PARP3: variants seen among roughly 807,000 people sequenced by gnomAD.
The protein encoded by PARP3 is protein mono-ADP-ribosyltransferase PARP3.
Under a neutral mutation model 58.2 loss-of-function variants are expected in PARP3, and 46 were observed. That is an observed-to-expected ratio of 0.79 (90% confidence interval 0.62 to 1.01). The LOEUF is 1.01. PARP3 is among the 50% of genes least tolerant of loss of function. PARP3 has a pLI of 0.00. For missense variants in PARP3, 663 were observed against 683.9 expected (o/e 0.97, Z 0.34); for synonymous variants, 252 against 266.4 (o/e 0.95, Z 0.53).
chr3:51,944,354 G>A lies in PARP3; in HGVS notation c.313-36G>A. On this transcript the variant is annotated intron_variant, in intron 3 of 10. Transcript: ENST00000398755. The surrounding 1 kb of genome is among the most constrained non-coding windows in gnomAD (Gnocchi z 4.2). The stretch of plus-strand genomic sequence containing the variant: ...CCCGACACACAGGCCAGCAAATGCT[G>A]ATGGTGGGCATACCCCTGAAGGCTG... 1 of 1,612,188 alleles carries A rather than the reference G, an allele frequency of 6.2e-7. No individual in the cohort carries two copies. Among genetic ancestry groups the A allele is most frequent in the Non-Finnish European group, 8.5e-7 (1 of 1,179,084 alleles).
At position 51,944,062 on chromosome 3, in the gene PARP3, C is replaced by T. The variant is rs1699609800; in HGVS notation, c.184-27C>T. Reference sequence around the variant, plus strand: ...GGCACCCCATCTGACCCCAGCCAGCCTGCCCCCCACCTCCCCTCTGGCCCA... The same window carrying T: ...GGCACCCCATCTGACCCCAGCCAGCTTGCCCCCCACCTCCCCTCTGGCCCA... On this transcript the variant is annotated intron_variant, in intron 2 of 10. Transcript: ENST00000398755. The surrounding 1 kb of genome is among the most constrained non-coding windows in gnomAD (Gnocchi z 4.2). 2 of 1,609,492 alleles carry T rather than the reference C, an allele frequency of 1.2e-6. No homozygotes were observed. Among genetic ancestry groups the T allele is most frequent in the African/African-American group, 1.3e-5 (1 of 74,868 alleles).
At chr3:51,945,461 T>C in intron 6 of PARP3, 34 bp from the exon 7 acceptor site, 10 of 1,606,168 alleles carry the variant, frequency 6.2e-6, no homozygotes, top group Non-Finnish European at 8.5e-6. Context: ...AGAGGTCAAG[T>C]GGGAAGACAA....
Position 51,948,318 on chromosome 3 carries a change from C to T in PARP3, c.1440C>T (p.Thr480=). The change falls in exon 11 of 11, where the codon ACC becomes ACT. Residue 480 remains threonine (T), a synonymous_variant. Coordinates refer to ENST00000398755, the MANE Select transcript of PARP3 (RefSeq NM_001003931.4). Reference sequence around the variant, plus strand: ...CCTTGCTGTGCCCTGCAGATCCGACCCAGGACACTGAGTTGGAGCTGGATG... The same window carrying T: ...CCTTGCTGTGCCCTGCAGATCCGACTCAGGACACTGAGTTGGAGCTGGATG... ...IARGHTEPDP[T]QDTELELDGQ... 6.2e-7 allele frequency: 1 copy of T among 1,613,596 alleles called. No individual in the cohort carries two copies.
At position 51,945,572 on chromosome 3, in the gene PARP3, C is replaced by T. The variant is rs201530765; in HGVS notation, c.939C>T (p.His313=). 6.2e-7 allele frequency: 1 copy of T among 1,613,910 alleles called. No individual in the cohort carries two copies. The highest frequency in any genetic ancestry group is 2.2e-5 in the East Asian group (1 of 44,884). The change falls in exon 7 of 11, where the codon CAC becomes CAT. Residue 313 remains histidine (H), a synonymous_variant. Transcript: ENST00000398755. The part of the protein sequence containing the change: ...EQEKTVEEVP[H]PLDRDYQLLK... ...AGAAGACGGTGGAGGAGGTGCCACA[C>T]CCCCTGGACCGAGACTACCAGCTTC...
In PARP3 at chr3:51,944,284, G is replaced by C. The variant is rs755198915; in HGVS notation, c.312+67G>C. The C allele has an allele frequency of 5.8e-5, 93 of 1,608,912 alleles. No individual in the cohort carries two copies. The highest frequency in any genetic ancestry group is 7.6e-5 in the Non-Finnish European group (89 of 1,177,014). On this transcript the variant is annotated intron_variant, in intron 3 of 10. Coordinates refer to ENST00000398755, the MANE Select transcript of PARP3 (RefSeq NM_001003931.4). The surrounding 1 kb of genome is among the most constrained non-coding windows in gnomAD (Gnocchi z 4.2). ...CAAAAGGCCACAGCTACTGACTTGG[G>C]GGGGCACCTCCCAACTGTCCCAGGG...
In PARP3 at chr3:51,943,340, G is replaced by C. The variant is rs1482973947; in HGVS notation, c.-2-14G>C. Reference sequence around the variant, plus strand: ...ACCATGGAGGCCTAAGGGCCTCTCTGTGCCCCAGGACAGCCATGGCTCCAA... The same window carrying C: ...ACCATGGAGGCCTAAGGGCCTCTCTCTGCCCCAGGACAGCCATGGCTCCAA... On this transcript the variant is annotated splice_polypyrimidine_tract_variant and intron_variant, in intron 1 of 10. Transcript: ENST00000398755. 1.3e-6 allele frequency: 2 copies of C among 1,554,492 alleles called. No individual in the cohort carries two copies. Among genetic ancestry groups the C allele is most frequent in the South Asian group, 2.4e-5 (2 of 84,714 alleles).
At chr3:51,945,454 G>A (rs1430663732) in intron 6 of PARP3, 41 bp from the exon 7 acceptor site, 2 of 1,602,324 alleles carry the variant, frequency 1.2e-6, no homozygotes, top group Admixed American at 1.7e-5. Context: ...GGAGGCCAGA[G>A]GTCAAGTGGG....
chr3:51,943,284 G>A, intron 1 of PARP3, 70 bp from the exon 2 acceptor site: 1 of 1,421,006 alleles, frequency 7.0e-7, no homozygotes, highest in South Asian at 1.4e-5. Context: ...GCAGGGGTGG[G>A]GACTGAGAGT....
At chr3:51,942,750 G>C in intron 1 of PARP3, 42 bp downstream of exon 1, 1 of 1,551,914 alleles carries the variant, frequency 6.4e-7, no homozygotes, top group Non-Finnish European at 8.7e-7. Context: ...GCAGGGCAAG[G>C]CCTGGTGGGA....
intron 1 of PARP3, chr3:51,943,026 C>T: frequency 1.4e-6 from 2 of 1,398,354 alleles, no homozygotes; most frequent in Non-Finnish European, 1.9e-6. Context: ...TTTCACTTTC[C>T]CTACCCCTCA....
At position 51,942,652 on chromosome 3, in the gene PARP3, G is replaced by A. The variant is rs1214947564; in HGVS notation, c.-59G>A. On this transcript the variant is annotated 5_prime_UTR_variant, in exon 1 of 11. Coordinates refer to ENST00000398755, the MANE Select transcript of PARP3 (RefSeq NM_001003931.4). ...TAGACCTGGGACTGCCCTGGGAGGC[G>A]CACACAACCAGGCCGGGTGGCAGCC... The A allele has an allele frequency of 1.6e-6, 2 of 1,231,004 alleles. No individual in the cohort carries two copies. Among genetic ancestry groups the A allele is most frequent in the East Asian group, 2.5e-5 (1 of 40,334 alleles). 76.3% of individuals were successfully genotyped at this position (1,231,004 alleles called of 1,614,324 possible).
In PARP3 at chr3:51,944,579, G is replaced by C; in HGVS notation, c.501+1G>C. 6.2e-7 allele frequency: 1 copy of C among 1,613,890 alleles called. No individual in the cohort carries two copies. The highest frequency in any genetic ancestry group is 1.1e-5 in the South Asian group (1 of 91,074). On this transcript the variant is annotated splice_donor_variant, in intron 4 of 10. Transcript: ENST00000398755. LOFTEE classifies it high-confidence loss of function. This position sits in a 1 kb window ranked among gnomAD's most constrained non-coding sequence, Gnocchi z 4.2. ...TGAGGCCCAGGAAGCTGTGGTGAAG[G>C]TGAGATGGCCAAGGAAGGTGGGCAG...
intron 9 of PARP3, 152 bp from the exon 10 acceptor site, chr3:51,947,588 C>T (rs891662274): frequency 1.4e-5 from 11 of 770,092 alleles, no homozygotes; most frequent in East Asian, 5.4e-5. Context: ...GGGAGCAGGC[C>T]GGGACAAGGA....
In PARP3 at chr3:51,945,869, TAGAAC is replaced by T; in HGVS notation, c.1032_1036del (p.Glu344AspfsTer33). 1 of 1,613,904 alleles carries T rather than the reference TAGAAC, an allele frequency of 6.2e-7. No homozygotes were observed. Among genetic ancestry groups the T allele is most frequent in the Non-Finnish European group, 8.5e-7 (1 of 1,179,912 alleles). The stretch of plus-strand genomic sequence containing the variant: ...TCCCCACAGGTGATACAGACCTACT[TAGAAC>T]AGACTGGCAGCAACCACAGGTGCCC... On this transcript the variant is annotated frameshift_variant, in exon 8 of 11. Transcript: ENST00000398755. LOFTEE classifies it high-confidence loss of function.
Position 51,946,274 on chromosome 3 carries a change from C to A in PARP3, c.1207C>A (p.Pro403Thr). 23 of 1,614,020 alleles carry A rather than the reference C, an allele frequency of 1.4e-5. No individual in the cohort carries two copies. The highest frequency in any genetic ancestry group is 1.9e-5 in the Non-Finnish European group (23 of 1,179,952). The change falls in exon 9 of 11, where the codon CCA (proline) becomes ACA (threonine). Residue 403 changes from proline (P) to threonine (T), a missense_variant. Around this residue, in one of 3 missense-constraint regions of PARP3, gnomAD observed 567 missense variants for 553.6 expected, o/e 1.02. Coordinates refer to ENST00000398755, the MANE Select transcript of PARP3 (RefSeq NM_001003931.4). This position sits in a 1 kb window ranked among gnomAD's most constrained non-coding sequence, Gnocchi z 4.6. Reference protein sequence around the residue: ...AILTSGLRIMPHSGGRVGKGI... With the variant: ...AILTSGLRIMTHSGGRVGKGI... ...CCTCACTAGTGGGCTCCGCATCATG[C>A]CACATTCTGGTGGGCGTGTTGGCAA...
intron 1 of PARP3, chr3:51,943,067 A>G: frequency 7.3e-7 from 1 of 1,377,368 alleles, no homozygotes; most frequent in Non-Finnish European, 9.4e-7. Context: ...GAGGGTAGGG[A>G]GCCAGGCAGA....
chr3:51,944,796 A>T lies in PARP3; in HGVS notation c.520A>T (p.Arg174Trp), dbSNP rs1228725541. 2 of 1,612,484 alleles carry T rather than the reference A, an allele frequency of 1.2e-6. No homozygotes were observed. Among genetic ancestry groups the T allele is most frequent in the South Asian group, 2.2e-5 (2 of 90,820 alleles). Residue 174 changes from arginine (R) to tryptophan (W), a missense_variant, in exon 5 of 11, where the codon AGG (arginine) becomes TGG (tryptophan). Around this residue, in one of 3 missense-constraint regions of PARP3, gnomAD observed 567 missense variants for 553.6 expected, o/e 1.02. Coordinates refer to ENST00000398755, the MANE Select transcript of PARP3 (RefSeq NM_001003931.4). This position sits in a 1 kb window ranked among gnomAD's most constrained non-coding sequence, Gnocchi z 4.2. ...TCTTCAGGTGGACAGAGGCCCAGTG[A>T]GGACTGTGACTAAGCGGGTGCAGCC... is the stretch of plus-strand genomic sequence containing the variant. Reference protein sequence around the residue: ...AVVKVDRGPVRTVTKRVQPCS... With the variant: ...AVVKVDRGPVWTVTKRVQPCS...
chr3:51,948,511 G>T lies in PARP3; in HGVS notation c.*31G>T. The T allele has an allele frequency of 6.2e-7, 1 of 1,602,362 alleles. No homozygotes were observed. The highest frequency in any genetic ancestry group is 8.5e-7 in the Non-Finnish European group (1 of 1,170,842). ...CGCCCTGTCCCCCGGGGTCCTGCAA[G>T]GCTGGACTGTGATCTTCAATCATCC... On this transcript the variant is annotated 3_prime_UTR_variant, in exon 11 of 11. Transcript: ENST00000398755.
Position 51,945,129 on chromosome 3 carries a change from C to T in PARP3, c.766C>T (p.His256Tyr), listed in dbSNP as rs1292800378. 1 of 1,614,032 alleles carries T rather than the reference C, an allele frequency of 6.2e-7. No individual in the cohort carries two copies. The highest frequency in any genetic ancestry group is 2.2e-5 in the East Asian group (1 of 44,894). Residue 256 changes from histidine to tyrosine, a missense_variant, in exon 6 of 11, where the codon CAC (histidine) becomes TAC (tyrosine). Coordinates refer to ENST00000398755, the MANE Select transcript of PARP3 (RefSeq NM_001003931.4). ...GGQSLEELSS[H>Y]FYTVIPHNFG... is the part of the protein sequence containing the mutation. ...CCAAAGCCTGGAGGAGCTGTCCTCA[C>T]ACTTTTACACCGTCATCCCGCACAA...
Sources: allele counts gnomAD v4.1 joint callset, GRCh38; gene constraint gnomAD v4.1.1; regional missense constraint gnomAD v4.1.1; non-coding constraint Gnocchi (gnomAD v3.1); transcripts MANE v1.5; gene names NCBI Gene and HGNC (gene_info 2026-07-23, HGNC 2026-07-21).